Variants in TMEM222 observed in about 807,000 individuals in gnomAD.
The protein encoded by TMEM222 is chromosome 1 open reading frame 160.
TMEM222 carries 18 observed loss-of-function variants against 25.1 expected under a neutral mutation model. The ratio of observed to expected loss-of-function variants is 0.72; its 90% CI spans 0.50 to 1.06. The LOEUF (loss-of-function observed/expected upper bound fraction) is 1.06. Among genes scored for constraint, TMEM222 ranks in the 50% least tolerant of loss-of-function variants. TMEM222 has a pLI of 0.00. For missense variants in TMEM222, 296 were observed against 293.7 expected (o/e 1.01, Z -0.06); for synonymous variants, 131 against 117.9 (o/e 1.11, Z -0.72).
chr1:27,335,630 G>T lies in TMEM222; in HGVS notation c.*164G>T. ...TGGAAGGACTGAGGACCAGCATGAA[G>T]TGGGGGTTTGTTGTCTCCCTGCCTC... On this transcript the variant is annotated 3_prime_UTR_variant, in exon 6 of 6. Coordinates refer to ENST00000374076, the MANE Select transcript of TMEM222 (RefSeq NM_032125.3). 1.5e-6 allele frequency: 1 copy of T among 663,902 alleles called. No homozygotes were observed. The highest frequency in any genetic ancestry group is 2.6e-6 in the Non-Finnish European group (1 of 381,470). The allele number at this position is 663,902 out of a possible 1,614,324, so 41.1% of individuals were successfully genotyped here. A position where few individuals can be genotyped will look rare whatever the true frequency, so the allele number is the denominator to read the frequency against.
Position 27,335,760 on chromosome 1 carries a change from C to T in TMEM222, c.*294C>T, listed in dbSNP as rs958131004. 12 of 446,172 alleles carry T rather than the reference C, an allele frequency of 2.7e-5. No individual in the cohort carries two copies. Among genetic ancestry groups the T allele is most frequent in the South Asian group, 4.9e-5 (2 of 40,630 alleles). The allele number at this position is 446,172 out of a possible 1,614,324, so 27.6% of individuals were successfully genotyped here. A position where few individuals can be genotyped will look rare whatever the true frequency, so the allele number is the denominator to read the frequency against. On this transcript the variant is annotated 3_prime_UTR_variant, in exon 6 of 6. Coordinates refer to ENST00000374076, the MANE Select transcript of TMEM222 (RefSeq NM_032125.3). ...TGGCTTCCCGCTGTAGAGCTGCTCCCGCCACCACCTGCTGGGGTCCTGCCT... is the reference window on the plus strand; with the variant it reads ...TGGCTTCCCGCTGTAGAGCTGCTCCTGCCACCACCTGCTGGGGTCCTGCCT...
chr1:27,328,903 T>G (rs1160107022), intron 1 of TMEM222, among the ~76,000 whole-genome samples: 1 of 152,178 alleles, frequency 6.6e-6, no homozygotes, highest in Non-Finnish European at 1.5e-5. Context: ...AGGCCAGGAC[T>G]CGGCCACTGG....
Position 27,335,712 on chromosome 1 carries a change from T to A in TMEM222, c.*246T>A, listed in dbSNP as rs768117405. The A allele has an allele frequency of 4.5e-5, 25 of 556,822 alleles. No homozygotes were observed. Among genetic ancestry groups the A allele is most frequent in the Non-Finnish European group, 7.7e-5 (24 of 309,870 alleles). 34.5% of individuals were successfully genotyped at this position (556,822 alleles called of 1,614,324 possible). A position where few individuals can be genotyped will look rare whatever the true frequency, so the allele number is the denominator to read the frequency against. ...CTGTGACTCCGGCCCTGGAAGCCCC[T>A]TTGTTCTTCTGTTGAAAGGCTTTGG... is the stretch of plus-strand genomic sequence containing the variant. On this transcript the variant is annotated 3_prime_UTR_variant, in exon 6 of 6. Coordinates refer to ENST00000374076, the MANE Select transcript of TMEM222 (RefSeq NM_032125.3).
intron 5 of TMEM222, 43 bp from the exon 6 acceptor site, chr1:27,335,336 A>G: frequency 6.3e-7 from 1 of 1,599,206 alleles, no homozygotes; most frequent in Non-Finnish European, 8.6e-7. Flanking sequence ...ATGCCTGCTC[A>G]CCAGGCCCTG....
chr1:27,329,522 C>G (rs2014430163), intron 1 of TMEM222, among the ~76,000 whole-genome samples: 1 of 152,084 alleles, frequency 6.6e-6, no homozygotes, highest in Non-Finnish European at 1.5e-5. Context: ...TCTGTGAAAG[C>G]CTGTGTTGTG....
chr1:27,333,168 T>G, intron 3 of TMEM222: 1 of 376,348 alleles, frequency 2.7e-6, no homozygotes, highest in South Asian at 1.9e-5. Flanking sequence ...CACCTGCATC[T>G]CCAGCCTTAG....
At chr1:27,332,305 G>T in intron 3 of TMEM222, 1 of 705,502 alleles carries the variant, frequency 1.4e-6, no homozygotes. Context: ...GCCTTTACCT[G>T]TAGACCATCT....
chr1:27,334,593 CAG>C lies in TMEM222; in HGVS notation c.539+313_539+314del, dbSNP rs1326103813. On this transcript the variant is annotated intron_variant, in intron 5 of 5. Transcript: ENST00000374076. ...AATGCAGGCAATGATTCCGGCTCCT[CAG>C]GGAGGCTTCTACGGATCCCTGTGCT... is the stretch of plus-strand genomic sequence containing the variant. 21 of 1,445,574 alleles carry C rather than the reference CAG, an allele frequency of 1.5e-5. 1 individual carries two copies. In the African/African-American group the frequency reaches 2.3e-4, roughly 16 times the overall value. 89.5% of individuals were successfully genotyped at this position (1,445,574 alleles called of 1,614,324 possible).
chr1:27,335,072 G>A lies in TMEM222; in HGVS notation c.540-307G>A, dbSNP rs1322498373. ...CCTCTTGCTGGAGACCCTAGAGGTA[G>A]GTGGCTATAGATGGAGCCAGTGAGG... is the stretch of plus-strand genomic sequence containing the variant. On this transcript the variant is annotated intron_variant, in intron 5 of 5. Coordinates refer to ENST00000374076, the MANE Select transcript of TMEM222 (RefSeq NM_032125.3). 4.0e-5 allele frequency: 18 copies of A among 450,722 alleles called. No homozygotes were observed. The Admixed American group carries it at 5.9e-4, about 15-fold the overall frequency. 27.9% of individuals were successfully genotyped at this position (450,722 alleles called of 1,614,324 possible). A position where few individuals can be genotyped will look rare whatever the true frequency, so the allele number is the denominator to read the frequency against.
At position 27,335,584 on chromosome 1, in the gene TMEM222, C is replaced by T. The variant is rs957790581; in HGVS notation, c.*118C>T. On this transcript the variant is annotated 3_prime_UTR_variant, in exon 6 of 6. Coordinates refer to ENST00000374076, the MANE Select transcript of TMEM222 (RefSeq NM_032125.3). ...CAGGGTTGGGCCTGCTGTTGTGGAC[C>T]GGGGGTCGGGGCTGGCAGGATGGAA... 7.2e-6 allele frequency: 7 copies of T among 965,994 alleles called. No homozygotes were observed. The highest frequency in any genetic ancestry group is 2.1e-4 in the Middle Eastern group (1 of 4,762). 59.8% of individuals were successfully genotyped at this position (965,994 alleles called of 1,614,324 possible). A position where few individuals can be genotyped will look rare whatever the true frequency, so the allele number is the denominator to read the frequency against.
chr1:27,330,615 C>T (rs977429978), intron 1 of TMEM222, 105 bp from the exon 2 acceptor site: 6 of 959,842 alleles, frequency 6.3e-6, no homozygotes, highest in African/African-American at 4.9e-5. Flanking sequence ...GTCAATGAAA[C>T]GTAATATTCA....
intron 1 of TMEM222, among the ~76,000 whole-genome samples, chr1:27,329,264 G>A (rs80281002): frequency 0.012 from 1,759 of 149,958 alleles, 18 homozygotes; most frequent in Admixed American, 0.021. Flanking sequence ...AACGGTGTGC[G>A]AATCTCAAGT....
At chr1:27,332,227 G>A in intron 3 of TMEM222, 126 bp downstream of exon 3, 2 of 1,122,824 alleles carry the variant, frequency 1.8e-6, no homozygotes, top group Non-Finnish European at 1.3e-6. Flanking sequence ...CGGGGGAGAG[G>A]TCAGCCAGGG....
At chr1:27,332,908 C>G (rs903094306) in intron 3 of TMEM222, 1 of 291,458 alleles carries the variant, frequency 3.4e-6, no homozygotes, top group Non-Finnish European at 6.8e-6. Context: ...GGCCCCAGTC[C>G]AGGCCATGGT....
chr1:27,334,459 G>A, intron 5 of TMEM222, 178 bp downstream of exon 5: 1 of 1,261,578 alleles, frequency 7.9e-7, no homozygotes, highest in Non-Finnish European at 1.1e-6. Context: ...GGAGGTGGCT[G>A]TGCTGAAGTC....
chr1:27,332,195 C>A, intron 3 of TMEM222, 94 bp downstream of exon 3: 2 of 1,455,274 alleles, frequency 1.4e-6, no homozygotes, highest in Non-Finnish European at 1.9e-6. Context: ...GGCCAGCACC[C>A]TGAGAATAGA....
chr1:27,333,760 C>T, intron 3 of TMEM222, 198 bp from the exon 4 acceptor site: 1 of 594,376 alleles, frequency 1.7e-6, no homozygotes. Flanking sequence ...TTCCATATCC[C>T]CCCAGGATCC....
intron 1 of TMEM222, among the ~76,000 whole-genome samples, chr1:27,324,152 C>T (rs1375803679): frequency 6.6e-6 from 1 of 152,030 alleles, no homozygotes; most frequent in Non-Finnish European, 1.5e-5. Flanking sequence ...ATGGAGAAAC[C>T]CCATCTCTAC....
Position 27,335,541 on chromosome 1 carries a change from T to C in TMEM222, c.*75T>C. The stretch of plus-strand genomic sequence containing the variant: ...CATCCCTTTTGGTTCCAGATTTTTT[T>C]CTCCTCACCCCAAAAGGCAGGGTTG... On this transcript the variant is annotated 3_prime_UTR_variant, in exon 6 of 6. Coordinates refer to ENST00000374076, the MANE Select transcript of TMEM222 (RefSeq NM_032125.3). 6.8e-7 allele frequency: 1 copy of C among 1,476,078 alleles called. No homozygotes were observed. The highest frequency in any genetic ancestry group is 1.1e-5 in the South Asian group (1 of 87,320). 91.4% of individuals were successfully genotyped at this position (1,476,078 alleles called of 1,614,324 possible).
Sources: gnomAD v4.1 joint callset for allele counts (sites outside exome capture counted in the v4.1 genomes callset) on GRCh38, gnomAD v4.1.1 for gene constraint, MANE v1.5 for transcripts, NCBI Gene and HGNC (gene_info 2026-07-23, HGNC 2026-07-21) for gene names.